The following CDH18 variants were observed in gnomAD, a reference collection of about 807,000 sequenced individuals.
The protein encoded by CDH18 is cadherin-18.
Under a neutral mutation model 67.9 loss-of-function variants are expected in CDH18, and 31 were observed. The observed-to-expected ratio is 0.46, with a 90% CI of 0.34 to 0.62. The LOEUF (loss-of-function observed/expected upper bound fraction) is 0.62, where lower values mean the gene tolerates loss of function less well. Among genes scored for constraint, CDH18 ranks in the 20% least tolerant of loss-of-function variants. The pLI is 0.01. For missense variants in CDH18, 890 were observed against 975.5 expected (o/e 0.91, Z 1.17); for synonymous variants, 362 against 347.2 (o/e 1.04, Z -0.48).
chr5:20,042,921 C>T (rs1030397829), intron 2 of CDH18, among the ~76,000 whole-genome samples: 4 of 152,062 alleles, frequency 2.6e-5, no homozygotes, highest in Non-Finnish European at 5.9e-5. Context: ...AAGATCGCGC[C>T]ACTGCACTCC....
chr5:19,556,989 C>T (rs1403468078), intron 8 of CDH18, among the ~76,000 whole-genome samples: 1 of 152,086 alleles, frequency 6.6e-6, no homozygotes, highest in East Asian at 1.9e-4. Flanking sequence ...CATTAACCTG[C>T]TTGAACAAAA....
At chr5:20,510,430 T>A (rs1040751056) in intron 1 of CDH18, among the ~76,000 whole-genome samples, 3 of 152,200 alleles carry the variant, frequency 2.0e-5, no homozygotes, top group Admixed American at 6.5e-5. Context: ...TGACTGTCAT[T>A]ACAAATTACG....
chr5:19,532,528 A>T (rs934671046), intron 9 of CDH18, among the ~76,000 whole-genome samples: 1 of 152,174 alleles, frequency 6.6e-6, no homozygotes, highest in Non-Finnish European at 1.5e-5. Context: ...TTCATTCATT[A>T]TGAGTGTCAT....
At chr5:20,006,575 TG>T (rs879679066) in intron 2 of CDH18, among the ~76,000 whole-genome samples, 1 of 151,972 alleles carries the variant, frequency 6.6e-6, no homozygotes, top group Non-Finnish European at 1.5e-5. Context: ...AATATGAACT[TG>T]CTTTTGATTT....
At chr5:20,169,031 A>G (rs372343196) in intron 2 of CDH18, among the ~76,000 whole-genome samples, 171 of 152,268 alleles carry the variant, frequency 1.1e-3, no homozygotes, top group African/African-American at 4.0e-3. Flanking sequence ...TGGGTACAAA[A>G]AAATAGAAAG....
chr5:19,508,192 G>A (rs2126805675), intron 10 of CDH18, among the ~76,000 whole-genome samples: 1 of 151,998 alleles, frequency 6.6e-6, no homozygotes, highest in African/African-American at 2.4e-5. Flanking sequence ...CTTTCATCAT[G>A]TAATAGAATT....
chr5:20,044,051 T>C (rs1270060261), intron 2 of CDH18, among the ~76,000 whole-genome samples: 2 of 152,206 alleles, frequency 1.3e-5, no homozygotes, highest in African/African-American at 4.8e-5. Context: ...TCATTTCCTG[T>C]ACATAATAGG....
At chr5:20,388,542 G>T (rs1744521996) in intron 1 of CDH18, among the ~76,000 whole-genome samples, 1 of 151,944 alleles carries the variant, frequency 6.6e-6, no homozygotes, top group African/African-American at 2.4e-5. Flanking sequence ...TTGATTTTTT[G>T]AAGGGTTTTT....
intron 1 of CDH18, among the ~76,000 whole-genome samples, chr5:20,513,330 T>G (rs773312517): frequency 7.2e-5 from 11 of 152,104 alleles, no homozygotes; most frequent in Non-Finnish European, 1.6e-4. Context: ...CACATACATC[T>G]TCAGAGAGAC....
At chr5:19,614,074 T>C (rs1300499705) in intron 5 of CDH18, among the ~76,000 whole-genome samples, 1 of 152,108 alleles carries the variant, frequency 6.6e-6, no homozygotes, top group Non-Finnish European at 1.5e-5. Context: ...CTTTACCAAA[T>C]ACTTTTACAG....
At chr5:19,939,536 G>A (rs1258407110) in intron 2 of CDH18, among the ~76,000 whole-genome samples, 1 of 151,578 alleles carries the variant, frequency 6.6e-6, no homozygotes, top group Non-Finnish European at 1.5e-5. Flanking sequence ...TTGTACTTAA[G>A]TAGATTGAAA....
intron 5 of CDH18, among the ~76,000 whole-genome samples, chr5:19,690,939 T>C (rs1023281107): frequency 2.0e-5 from 3 of 151,770 alleles, no homozygotes; most frequent in Non-Finnish European, 3.0e-5. Context: ...CCAGCATTAT[T>C]CTGATATCAA....
chr5:19,660,057 T>G (rs1196085243), intron 5 of CDH18, among the ~76,000 whole-genome samples: 2 of 152,086 alleles, frequency 1.3e-5, no homozygotes, highest in South Asian at 2.1e-4. Context: ...TGGATAAAAA[T>G]AAACCCCAGT....
At chr5:20,112,564 G>A (rs374168940) in intron 2 of CDH18, among the ~76,000 whole-genome samples, 4 of 151,938 alleles carry the variant, frequency 2.6e-5, no homozygotes, top group South Asian at 2.1e-4. Flanking sequence ...TTGGGAGGCC[G>A]AGGCAGGAGA....
At chr5:19,887,142 G>GT (rs1044219907) in intron 2 of CDH18, among the ~76,000 whole-genome samples, 2 of 147,574 alleles carry the variant, frequency 1.4e-5, no homozygotes, top group African/African-American at 2.5e-5. Flanking sequence ...CTAAAAATTT[G>GT]TTTTTTTGTT....
chr5:20,284,314 G>A (rs977257403), intron 1 of CDH18, among the ~76,000 whole-genome samples: 1 of 151,942 alleles, frequency 6.6e-6, no homozygotes, highest in African/African-American at 2.4e-5. Flanking sequence ...TTAACCTGAT[G>A]TGGTGCATGC....
chr5:19,789,191 T>A (rs1395191813), intron 3 of CDH18, among the ~76,000 whole-genome samples: 1 of 152,234 alleles, frequency 6.6e-6, no homozygotes, highest in African/African-American at 2.4e-5. Context: ...AGCTACACCA[T>A]GTCTGCAAAA....
chr5:19,733,299 A>C, intron 4 of CDH18, among the ~76,000 whole-genome samples: 1 of 152,090 alleles, frequency 6.6e-6, no homozygotes, highest in East Asian at 1.9e-4. Context: ...CCCTTTCCTA[A>C]TTGTTTTTAC....
At chr5:19,749,083 T>C (rs1770497078) in intron 3 of CDH18, among the ~76,000 whole-genome samples, 1 of 152,048 alleles carries the variant, frequency 6.6e-6, no homozygotes, top group South Asian at 2.1e-4. Flanking sequence ...TATTTATTTA[T>C]GTCTCTTAGT....
Sources: gnomAD v4.1 joint callset for allele counts (sites outside exome capture counted in the v4.1 genomes callset) on GRCh38, gnomAD v4.1.1 for gene constraint, MANE v1.5 for transcripts, NCBI Gene and HGNC (gene_info 2026-07-23, HGNC 2026-07-21) for gene names.